Variants in PLXNA4 observed in about 807,000 individuals in gnomAD.
PLXNA4 encodes plexin A4.
A neutral mutation model predicts 191.8 loss-of-function variants in PLXNA4; 44 were observed. The observed-to-expected ratio is 0.23, with a 90% CI of 0.18 to 0.29. The LOEUF (loss-of-function observed/expected upper bound fraction) is 0.29, where lower values mean the gene tolerates loss of function less well. Ranked by LOEUF, PLXNA4 falls within the 10% of genes least tolerant of loss-of-function variation. The probability of loss-of-function intolerance (pLI) is 1.00; values close to 1 mark genes in which losing one functional copy is unlikely to be tolerated. For missense variants in PLXNA4, 1,800 were observed against 2,488.8 expected (o/e 0.72, Z 5.89); for synonymous variants, 1,082 against 1,009.5 (o/e 1.07, Z -1.36).
intron 3 of PLXNA4, among the ~76,000 whole-genome samples, chr7:132,323,913 A>G (rs1224460621): frequency 6.6e-6 from 1 of 152,130 alleles, no homozygotes; most frequent in Non-Finnish European, 1.5e-5. Context: ...AGCAGAAATG[A>G]TGCAATTCTA....
chr7:132,424,705 T>C (rs893485432), intron 3 of PLXNA4, among the ~76,000 whole-genome samples: 1 of 152,218 alleles, frequency 6.6e-6, no homozygotes, highest in African/African-American at 2.4e-5. Context: ...CATAAATGTT[T>C]GGGGTGATGC....
chr7:132,408,910 A>G (rs943123838), intron 3 of PLXNA4, among the ~76,000 whole-genome samples: 2 of 128,362 alleles, frequency 1.6e-5, no homozygotes, highest in African/African-American at 5.9e-5. Flanking sequence ...GTTGGATCAC[A>G]TGATCTCTAA....
intron 3 of PLXNA4, among the ~76,000 whole-genome samples, chr7:132,399,677 G>A (rs1472025233): frequency 6.6e-6 from 1 of 152,160 alleles, no homozygotes; most frequent in Non-Finnish European, 1.5e-5. Flanking sequence ...GAGCTGCAGG[G>A]CCACAGGTAT....
At chr7:132,516,898 G>T (rs190086282) in intron 1 of PLXNA4, among the ~76,000 whole-genome samples, 3 of 152,120 alleles carry the variant, frequency 2.0e-5, no homozygotes, top group African/African-American at 4.8e-5. Flanking sequence ...AGGTTGCAGC[G>T]GTGAGCCGAG....
chr7:132,512,335 A>G lies in PLXNA4; in HGVS notation c.-86-3556T>C, dbSNP rs1238801941. The stretch of plus-strand genomic sequence containing the variant: ...AGCTCTCTAGTCTGCAAGAGGTGAG[A>G]TGAAGAATCCTATAATTACGAATTT... On this transcript the variant is annotated intron_variant, in intron 1 of 31. Transcript: ENST00000321063. Among the ~76,000 whole-genome samples the G allele has an allele frequency of 7.2e-5, 11 of 152,328 alleles. No homozygotes were observed. In the East Asian group the frequency reaches 2.1e-3, roughly 29 times the overall value.
chr7:132,548,503 C>G (rs957206946), intron 1 of PLXNA4, among the ~76,000 whole-genome samples: 2 of 152,214 alleles, frequency 1.3e-5, no homozygotes, highest in African/African-American at 4.8e-5. Flanking sequence ...TCTGAGTTCT[C>G]TGTTCCTAGC....
At position 132,181,486 on chromosome 7, in the gene PLXNA4, G is replaced by T. The variant is rs556371852; in HGVS notation, c.3387C>A (p.Leu1129=). The T allele has an allele frequency of 1.2e-6, 2 of 1,614,198 alleles. No homozygotes were observed. The highest frequency in any genetic ancestry group is 1.1e-5 in the South Asian group (1 of 91,066). The change falls in exon 18 of 32, where the codon CTC becomes CTA. Residue 1129 remains leucine (L), a synonymous_variant. Transcript: ENST00000321063. ...GFILDNVQSL[L]ILNKTNFTYY... The stretch of plus-strand genomic sequence containing the variant: ...AGGTGAAGTTGGTCTTGTTGAGGAT[G>T]AGCAGGGACTGGACGTTGTCCAGGA...
chr7:132,589,066 C>T lies in PLXNA4; in HGVS notation c.-87+56862G>A, dbSNP rs532223440. Among the ~76,000 whole-genome samples, 4 of 152,202 alleles carry T rather than the reference C, an allele frequency of 2.6e-5. No individual in the cohort carries two copies. The South Asian group carries it at 8.3e-4, about 32-fold the overall frequency. On this transcript the variant is annotated intron_variant, in intron 2 of 4. Transcript: ENST00000378539. ...TGCCAACAGGATATTTTATGTAACT[C>T]ATATCATGTTTAGAATCATCCATTG...
At position 132,485,328 on chromosome 7, in the gene PLXNA4, C is replaced by T. The variant is rs540318331; in HGVS notation, c.1371+3964G>A. Among the ~76,000 whole-genome samples, 13 of 152,292 alleles carry T rather than the reference C, an allele frequency of 8.5e-5. 1 individual carries two copies. In the South Asian group the frequency reaches 1.2e-3, roughly 15 times the overall value. On this transcript the variant is annotated intron_variant, in intron 3 of 31. Coordinates refer to ENST00000321063, the MANE Select transcript of PLXNA4 (RefSeq NM_020911.2). ...ACCTAGCAAAAACATCCAGGGAAGACGCAATCACCAGCGAGAGGAGCAATC... is the reference window on the plus strand; with the variant it reads ...ACCTAGCAAAAACATCCAGGGAAGATGCAATCACCAGCGAGAGGAGCAATC...
At chr7:132,259,436 C>CAAAA (rs55902635) in intron 4 of PLXNA4, among the ~76,000 whole-genome samples, 31 of 33,860 alleles carry the variant, frequency 9.2e-4, no homozygotes, top group East Asian at 2.5e-3. Flanking sequence ...AACTCCAACT[C>CAAAA]AAAAAAAAAA....
At chr7:132,205,329 C>A (rs1030752660) in intron 10 of PLXNA4, among the ~76,000 whole-genome samples, 20 of 152,238 alleles carry the variant, frequency 1.3e-4, no homozygotes, top group African/African-American at 4.3e-4. Context: ...CCAGATCTGC[C>A]GGACTGGAAT....
intron 1 of PLXNA4, among the ~76,000 whole-genome samples, chr7:132,575,892 C>T (rs909682317): frequency 1.3e-5 from 2 of 152,092 alleles, no homozygotes; most frequent in Non-Finnish European, 2.9e-5. Flanking sequence ...CCTCCCCGGG[C>T]GCTGGGCCAC....
At chr7:132,137,483 C>A (rs1795146134) in intron 30 of PLXNA4, among the ~76,000 whole-genome samples, 1 of 152,242 alleles carries the variant, frequency 6.6e-6, no homozygotes, top group African/African-American at 2.4e-5. Context: ...TCACAACACG[C>A]CACTTCATGG....
At chr7:132,160,992 A>G (rs955527327) in intron 24 of PLXNA4, among the ~76,000 whole-genome samples, 2 of 152,198 alleles carry the variant, frequency 1.3e-5, no homozygotes, top group African/African-American at 4.8e-5. Flanking sequence ...CCTGAAAACA[A>G]TGGTGGAGAG....
At chr7:132,274,472 C>CTA (rs1800197928) in intron 4 of PLXNA4, among the ~76,000 whole-genome samples, 1 of 152,076 alleles carries the variant, frequency 6.6e-6, no homozygotes, top group Non-Finnish European at 1.5e-5. Flanking sequence ...GACCTAAGCT[C>CTA]TAGGCCTTAT....
At position 132,287,737 on chromosome 7, in the gene PLXNA4, C is replaced by A. The variant is rs1800736544; in HGVS notation, c.1503+10354G>T. Among the ~76,000 whole-genome samples the A allele has an allele frequency of 5.3e-5, 8 of 152,168 alleles. No individual in the cohort carries two copies. The South Asian group carries it at 1.7e-3, about 32-fold the overall frequency. On this transcript the variant is annotated intron_variant, in intron 4 of 31. Transcript: ENST00000321063. ...AGAAAAAAACAGTGGGGGTGGTGGG[C>A]TGCTACCCTGCCTACTCCCTCTGTG...
chr7:132,431,131 A>C (rs1239459618), intron 3 of PLXNA4, among the ~76,000 whole-genome samples: 1 of 152,218 alleles, frequency 6.6e-6, no homozygotes, highest in African/African-American at 2.4e-5. Flanking sequence ...GTCCATGTGA[A>C]GCTGAGATGT....
At chr7:132,549,100 T>C (rs558551517) in intron 1 of PLXNA4, among the ~76,000 whole-genome samples, 3 of 152,326 alleles carry the variant, frequency 2.0e-5, no homozygotes, top group African/African-American at 4.8e-5. Flanking sequence ...GTTTAGCATA[T>C]AATCCAGAAA....
chr7:132,164,161 T>C lies in PLXNA4; in HGVS notation c.4481A>G (p.Gln1494Arg). 1 of 1,614,132 alleles carries C rather than the reference T, an allele frequency of 6.2e-7. No individual in the cohort carries two copies. Residue 1494 changes from glutamine (Q) to arginine (R), a missense_variant, in exon 24 of 32, where the codon CAG (glutamine) becomes CGG (arginine). Transcript: ENST00000321063. ...SLSEDKLIRQQIDYKTLVLSC... is the reference protein window; with the variant it reads ...SLSEDKLIRQRIDYKTLVLSC... The stretch of plus-strand genomic sequence containing the variant: ...GCTCACCAGGGTTTTGTAGTCAATC[T>C]GCTGGCGGATGAGCTTGTCCTCGCT...
Sources: gnomAD v4.1 joint callset for allele counts (sites outside exome capture counted in the v4.1 genomes callset) on GRCh38, gnomAD v4.1.1 for gene constraint, MANE v1.5 for transcripts, NCBI Gene and HGNC (gene_info 2026-07-23, HGNC 2026-07-21) for gene names.